The following LHFPL2 variants were observed in gnomAD, a reference collection of about 807,000 sequenced individuals.
The protein encoded by LHFPL2 is LHFPL tetraspan subfamily member 2 protein.
Under a neutral mutation model 17.5 loss-of-function variants are expected in LHFPL2, and 7 were observed. That is an observed-to-expected ratio of 0.40 (90% CI 0.23 to 0.75). The LOEUF is 0.75. Ranked by LOEUF, LHFPL2 falls within the 30% of genes least tolerant of loss-of-function variation. The probability of loss-of-function intolerance (pLI) is 0.37; values close to 1 mark genes in which losing one functional copy is unlikely to be tolerated. For synonymous variants in LHFPL2, 134 were observed against 116.2 expected (o/e 1.15, Z -0.99); for missense variants, 241 against 294.8 (o/e 0.82, Z 1.34).
chr5:78,608,967 A>G (rs192127275), intron 2 of LHFPL2, among the ~76,000 whole-genome samples: 1 of 152,180 alleles, frequency 6.6e-6, no homozygotes, highest in Non-Finnish European at 1.5e-5. Flanking sequence ...GAATAACATT[A>G]AAGTCAGCAA....
chr5:78,577,273 T>C (rs1757156887), intron 2 of LHFPL2, among the ~76,000 whole-genome samples: 1 of 152,208 alleles, frequency 6.6e-6, no homozygotes, highest in African/African-American at 2.4e-5. Context: ...ATGAGTTGTT[T>C]CATAAACTTG....
intron 2 of LHFPL2, among the ~76,000 whole-genome samples, chr5:78,591,939 T>C (rs1458113249): frequency 1.3e-5 from 2 of 152,238 alleles, no homozygotes; most frequent in East Asian, 3.8e-4. Flanking sequence ...GAACATGTGG[T>C]TGACAGGTCT....
At position 78,610,704 on chromosome 5, in the gene LHFPL2, GA is replaced by G. The variant is rs1744392665; in HGVS notation, c.-245+21559del. On this transcript the variant is annotated intron_variant, in intron 2 of 4. Coordinates refer to ENST00000380345, the MANE Select transcript of LHFPL2 (RefSeq NM_005779.3). ...TCCTCAAAATCCAGCCTCTAACAAT[GA>G]AAGCAGCTAAGAAGAGTTACACTAG... Among the ~76,000 whole-genome samples the G allele has an allele frequency of 2.0e-5, 3 of 152,270 alleles. No individual in the cohort carries two copies. In the South Asian group the frequency reaches 6.2e-4, roughly 32 times the overall value.
chr5:78,586,032 G>A (rs1421029301), intron 2 of LHFPL2, among the ~76,000 whole-genome samples: 1 of 152,204 alleles, frequency 6.6e-6, no homozygotes, highest in East Asian at 1.9e-4. Flanking sequence ...AGGGCTTGAG[G>A]ATGAGGAACA....
At chr5:78,544,633 A>AGCCACAGCTTGCTG (rs1756214168) in intron 3 of LHFPL2, among the ~76,000 whole-genome samples, 1 of 152,184 alleles carries the variant, frequency 6.6e-6, no homozygotes, top group African/African-American at 2.4e-5. Context: ...GCAGTGACGG[A>AGCCACAGCTTGCTG]GCCACAGCTT....
chr5:78,629,581 C>T (rs931131289), intron 2 of LHFPL2, among the ~76,000 whole-genome samples: 1 of 152,198 alleles, frequency 6.6e-6, no homozygotes, highest in Admixed American at 6.5e-5. Context: ...AAAGGCTTCA[C>T]CTGAAAAACA....
chr5:78,558,345 T>G (rs1162672523), intron 3 of LHFPL2, among the ~76,000 whole-genome samples: 3 of 152,196 alleles, frequency 2.0e-5, no homozygotes, highest in Admixed American at 2.0e-4. Context: ...CTGGGAGCAA[T>G]TTTTAAAACT....
At chr5:78,576,000 T>C (rs1057428805) in intron 2 of LHFPL2, among the ~76,000 whole-genome samples, 1 of 152,152 alleles carries the variant, frequency 6.6e-6, no homozygotes, top group Non-Finnish European at 1.5e-5. Flanking sequence ...AGCCAAAATA[T>C]GTAAGATAAA....
intron 2 of LHFPL2, among the ~76,000 whole-genome samples, chr5:78,567,634 C>A (rs892630480): frequency 6.6e-5 from 10 of 152,120 alleles, no homozygotes; most frequent in African/African-American, 2.4e-4. Context: ...TTTCACAAAA[C>A]CCCTGAGGTA....
At chr5:78,499,001 C>T (rs529447910) in intron 4 of LHFPL2, among the ~76,000 whole-genome samples, 2 of 152,262 alleles carry the variant, frequency 1.3e-5, no homozygotes, top group South Asian at 2.1e-4. Context: ...CCAGCCCTAT[C>T]CCCATCTACA....
intron 3 of LHFPL2, among the ~76,000 whole-genome samples, chr5:78,527,376 T>G (rs893163631): frequency 3.3e-5 from 5 of 150,838 alleles, no homozygotes; most frequent in African/African-American, 9.7e-5. Flanking sequence ...TTTTTTTTTT[T>G]TTTTTTTTTT....
At chr5:78,584,112 G>T (rs1490359938) in intron 2 of LHFPL2, among the ~76,000 whole-genome samples, 2 of 150,022 alleles carry the variant, frequency 1.3e-5, no homozygotes, top group South Asian at 4.2e-4. Flanking sequence ...CGTAGTTCTC[G>T]AGCCTTGGTT....
At chr5:78,600,404 C>T (rs1172671208) in intron 2 of LHFPL2, among the ~76,000 whole-genome samples, 1 of 152,056 alleles carries the variant, frequency 6.6e-6, no homozygotes, top group Non-Finnish European at 1.5e-5. Flanking sequence ...AATTCCTCCA[C>T]TTTCTGAGTT....
In LHFPL2 at chr5:78,485,590, C is replaced by T. The variant is rs1188583558; in HGVS notation, c.*3307G>A. 6.6e-6 allele frequency: 1 copy of T among 152,622 alleles called. No individual in the cohort carries two copies. The highest frequency in any genetic ancestry group is 1.9e-4 in the East Asian group (1 of 5,202). 9.5% of individuals were successfully genotyped at this position (152,622 alleles called of 1,614,324 possible). Reference sequence around the variant, plus strand: ...CCGGCCCAGGGATTTCCAGTGGCCACAAGTTATTGCACAGAGAGGTCTGTT... The same window carrying T: ...CCGGCCCAGGGATTTCCAGTGGCCATAAGTTATTGCACAGAGAGGTCTGTT... On this transcript the variant is annotated 3_prime_UTR_variant, in exon 5 of 5. Coordinates refer to ENST00000380345, the MANE Select transcript of LHFPL2 (RefSeq NM_005779.3).
chr5:78,560,055 A>G (rs1001050655), intron 3 of LHFPL2, among the ~76,000 whole-genome samples: 1 of 152,224 alleles, frequency 6.6e-6, no homozygotes, highest in African/African-American at 2.4e-5. Flanking sequence ...ACACACAATC[A>G]AAGAATTTTA....
At chr5:78,585,993 T>G (rs1048038489) in intron 2 of LHFPL2, among the ~76,000 whole-genome samples, 5 of 152,178 alleles carry the variant, frequency 3.3e-5, no homozygotes, top group African/African-American at 1.2e-4. Context: ...AATAAGGTCA[T>G]TTTTTAAATA....
chr5:78,509,958 C>T lies in LHFPL2; in HGVS notation c.256G>A (p.Ala86Thr). 1 of 1,613,870 alleles carries T rather than the reference C, an allele frequency of 6.2e-7. No homozygotes were observed. Among genetic ancestry groups the T allele is most frequent in the Non-Finnish European group, 8.5e-7 (1 of 1,180,012 alleles). Residue 86 changes from alanine (A) to threonine (T), a missense_variant, in exon 4 of 5, where the codon GCC becomes ACC. Ala to Thr is a moderately conservative substitution (Grantham distance 58). Coordinates refer to ENST00000380345, the MANE Select transcript of LHFPL2 (RefSeq NM_005779.3). ...FQRDTLCGPY[A>T]ESFGEIASGF... is the part of the protein sequence containing the mutation. ...CTGGCGATCTCGCCGAAGCTCTCGG[C>T]GTAGGGCCCGCACAGCGTGTCCCGC...
At chr5:78,542,816 G>A (rs1420909507) in intron 3 of LHFPL2, among the ~76,000 whole-genome samples, 1 of 152,186 alleles carries the variant, frequency 6.6e-6, no homozygotes, top group African/African-American at 2.4e-5. Context: ...AAATCCTCAG[G>A]ACTCACCTTC....
In LHFPL2 at chr5:78,605,145, G is replaced by C. The variant is rs114448478; in HGVS notation, c.-245+27119C>G. Among the ~76,000 whole-genome samples the C allele has an allele frequency of 2.3e-3, 355 of 152,310 alleles. 1 individual carries two copies. Among genetic ancestry groups the C allele is most frequent in the African/African-American group, 7.9e-3 (330 of 41,558 alleles). On this transcript the variant is annotated intron_variant, in intron 2 of 4. Coordinates refer to ENST00000380345, the MANE Select transcript of LHFPL2 (RefSeq NM_005779.3). ...GACTGAGTGTGTGTTACTGGGCTTC[G>C]AAAGCCAAGTGCAGAAGCCATGGCT...
Sources: gnomAD v4.1 joint callset for allele counts (sites outside exome capture counted in the v4.1 genomes callset) on GRCh38, gnomAD v4.1.1 for gene constraint, MANE v1.5 for transcripts, NCBI Gene and HGNC (gene_info 2026-07-23, HGNC 2026-07-21) for gene names.